The following YAP1 variants were observed in gnomAD, a reference collection of about 807,000 sequenced individuals.
The protein encoded by YAP1 is Yes1 associated transcriptional regulator.
Under a neutral mutation model 56.9 loss-of-function variants are expected in YAP1, and 5 were observed. That is an observed-to-expected ratio of 0.09 (90% CI 0.05 to 0.18). The LOEUF (loss-of-function observed/expected upper bound fraction) is 0.18. YAP1 is among the 10% of genes least tolerant of loss of function. The pLI, the probability that YAP1 is intolerant of heterozygous loss-of-function variation, is 1.00. For missense variants in YAP1, 539 were observed against 651.8 expected (o/e 0.83, Z 1.88); for synonymous variants, 265 against 248.1 (o/e 1.07, Z -0.64).
chr11:102,146,607 A>G (rs571257664), intron 2 of YAP1, among the ~76,000 whole-genome samples: 1 of 152,218 alleles, frequency 6.6e-6, no homozygotes, highest in South Asian at 2.1e-4. Context: ...CCCCTCCCTT[A>G]TCCCAACTTC....
Position 102,227,481 on chromosome 11 carries a change from C to T in YAP1, c.1176C>T (p.His392=). Residue 392 remains histidine (H), a synonymous_variant, in exon 8 of 9, where the codon CAC becomes CAT. Transcript: ENST00000282441. The stretch of plus-strand genomic sequence containing the variant: ...CATGTTTATGTAGTGGCACCTATCA[C>T]TCTCGAGATGAGAGTACAGACAGTG... ...SDPFLNSGTY[H]SRDESTDSGL... is the part of the protein sequence containing the mutation. 6.2e-7 allele frequency: 1 copy of T among 1,613,226 alleles called. No homozygotes were observed. Among genetic ancestry groups the T allele is most frequent in the Non-Finnish European group, 8.5e-7 (1 of 1,179,528 alleles).
chr11:102,133,503 C>G (rs925060949), intron 2 of YAP1, among the ~76,000 whole-genome samples: 9 of 152,028 alleles, frequency 5.9e-5, no homozygotes. Context: ...CAACATGTTG[C>G]CAAGGCTGGT....
At chr11:102,214,626 A>G (rs1277152823) in intron 6 of YAP1, among the ~76,000 whole-genome samples, 1 of 152,214 alleles carries the variant, frequency 6.6e-6, no homozygotes. Flanking sequence ...GATATTAAAT[A>G]AATCATAGAT....
intron 1 of YAP1, among the ~76,000 whole-genome samples, chr11:102,113,071 A>C (rs546050420): frequency 1.3e-5 from 2 of 152,350 alleles, no homozygotes; most frequent in East Asian, 3.9e-4. Flanking sequence ...TTCCTAAATC[A>C]TACTTATTCT....
intron 2 of YAP1, among the ~76,000 whole-genome samples, chr11:102,129,957 C>T (rs550894172): frequency 4.4e-4 from 67 of 151,868 alleles, no homozygotes; most frequent in Non-Finnish European, 8.4e-4. Context: ...TACAGGCATG[C>T]ACCACCACAC....
At chr11:102,133,930 C>T (rs1057255500) in intron 2 of YAP1, among the ~76,000 whole-genome samples, 1 of 152,162 alleles carries the variant, frequency 6.6e-6, no homozygotes, top group African/African-American at 2.4e-5. Flanking sequence ...CATGCTCACA[C>T]GACCGCTTTT....
intron 6 of YAP1, among the ~76,000 whole-genome samples, chr11:102,213,380 G>A (rs1048017541): frequency 7.9e-5 from 12 of 152,198 alleles, no homozygotes; most frequent in African/African-American, 2.9e-4. Flanking sequence ...CAGCTGCTCA[G>A]GAGGCTGAGG....
rs763526897 is a variant in YAP1 at position 102,206,010 on chromosome 11, G to A, written c.920G>A (p.Arg307Gln). Reference sequence around the variant, plus strand: ...AACTCCAACCAGCAGCAACAGATGCGACTGCAGCAACTGCAGATGGAGAAG... The same window carrying A: ...AACTCCAACCAGCAGCAACAGATGCAACTGCAGCAACTGCAGATGGAGAAG... ...GSNSNQQQQMRLQQLQMEKER... is the reference protein window; with the variant it reads ...GSNSNQQQQMQLQQLQMEKER... The change falls in exon 5 of 9, where the codon CGA becomes CAA. Residue 307 changes from arginine to glutamine, a missense_variant. Arg to Gln is a conservative substitution (Grantham distance 43). Around this residue, in one of 4 missense-constraint regions of YAP1, gnomAD observed 414 missense variants for 512.4 expected, o/e 0.81. Coordinates refer to ENST00000282441, the MANE Select transcript of YAP1 (RefSeq NM_001130145.3). 1.4e-5 allele frequency: 23 copies of A among 1,613,826 alleles called. No homozygotes were observed. Among genetic ancestry groups the A allele is most frequent in the African/African-American group, 2.7e-5 (2 of 74,914 alleles).
At chr11:102,222,556 C>T (rs1186834792) in intron 6 of YAP1, among the ~76,000 whole-genome samples, 2 of 152,190 alleles carry the variant, frequency 1.3e-5, no homozygotes, top group Non-Finnish European at 2.9e-5. Flanking sequence ...TAGCAACCTA[C>T]AGCCTTTGCT....
intron 2 of YAP1, among the ~76,000 whole-genome samples, chr11:102,158,604 A>G (rs1319282402): frequency 6.6e-6 from 1 of 152,246 alleles, no homozygotes; most frequent in African/African-American, 2.4e-5. Context: ...AAGAATTGAT[A>G]GTATCCATTC....
chr11:102,138,390 A>G (rs1442541331), intron 2 of YAP1, among the ~76,000 whole-genome samples: 1 of 152,132 alleles, frequency 6.6e-6, no homozygotes, highest in Admixed American at 6.5e-5. Context: ...TCTCTCACTC[A>G]AATGTCTGGT....
At chr11:102,214,192 G>C (rs1391131223) in intron 6 of YAP1, among the ~76,000 whole-genome samples, 1 of 152,214 alleles carries the variant, frequency 6.6e-6, no homozygotes, top group South Asian at 2.1e-4. Flanking sequence ...TCAAAAGTAT[G>C]ATATGGGGTT....
chr11:102,197,316 G>A (rs1239678786), intron 4 of YAP1, among the ~76,000 whole-genome samples: 1 of 152,180 alleles, frequency 6.6e-6, no homozygotes, highest in African/African-American at 2.4e-5. Flanking sequence ...AATAGCTTAA[G>A]AATCGTTTAT....
intron 6 of YAP1, among the ~76,000 whole-genome samples, chr11:102,218,937 CAT>C (rs890225725): frequency 2.6e-5 from 4 of 152,252 alleles, no homozygotes; most frequent in Middle Eastern, 3.4e-3. Context: ...CTAGTCTGCA[CAT>C]GATACTAGTT....
At chr11:102,216,497 A>G (rs1336682617) in intron 6 of YAP1, among the ~76,000 whole-genome samples, 2 of 152,220 alleles carry the variant, frequency 1.3e-5, no homozygotes, top group Non-Finnish European at 1.5e-5. Context: ...TATTTCAATA[A>G]TGTAATTTTA....
At chr11:102,202,048 A>G (rs1948885834) in intron 4 of YAP1, among the ~76,000 whole-genome samples, 1 of 152,226 alleles carries the variant, frequency 6.6e-6, no homozygotes, top group Non-Finnish European at 1.5e-5. Flanking sequence ...CACTTTGAAC[A>G]TTGATCAGAA....
At chr11:102,179,380 G>T (rs1398652190) in intron 3 of YAP1, among the ~76,000 whole-genome samples, 3 of 152,162 alleles carry the variant, frequency 2.0e-5, no homozygotes, top group African/African-American at 2.4e-5. Context: ...TCTAGAGGTT[G>T]TCATGAGTTT....
intron 6 of YAP1, among the ~76,000 whole-genome samples, chr11:102,216,958 C>A (rs1410680353): frequency 6.6e-6 from 1 of 152,180 alleles, no homozygotes; most frequent in East Asian, 1.9e-4. Flanking sequence ...TAGCTTTTCC[C>A]ATTGAGCTTG....
intron 6 of YAP1, among the ~76,000 whole-genome samples, chr11:102,218,634 T>C (rs1175490130): frequency 6.6e-6 from 1 of 152,222 alleles, no homozygotes. Flanking sequence ...TTCTTTCAAG[T>C]CTAATTTAGG....
Sources: gnomAD v4.1 joint callset for allele counts (sites outside exome capture counted in the v4.1 genomes callset) on GRCh38, gnomAD v4.1.1 for gene constraint, gnomAD v4.1.1 regional missense constraint, MANE v1.5 for transcripts, NCBI Gene and HGNC (gene_info 2026-07-23, HGNC 2026-07-21) for gene names.